The following NXNL2 variants were observed in gnomAD, a reference collection of about 807,000 sequenced individuals.
NXNL2 encodes the protein nucleoredoxin like 2.
NXNL2 carries 7 observed loss-of-function variants against 11.1 expected under a neutral mutation model. The ratio of observed to expected loss-of-function variants is 0.63; its 90% CI spans 0.36 to 1.18. The LOEUF is 1.18. Among genes scored for constraint, NXNL2 ranks in the 50% most tolerant of loss-of-function variants. The probability of loss-of-function intolerance (pLI) is 0.02; values close to 1 mark genes in which losing one functional copy is unlikely to be tolerated. For missense variants in NXNL2, 233 were observed against 217.7 expected, an observed-to-expected ratio of 1.07 and a Z score of -0.44; for synonymous variants, 109 against 101.8, an observed-to-expected ratio of 1.07 and a Z score of -0.42.
At chr9:88,542,998 G>T (rs567146313) in intron 1 of NXNL2, among the ~76,000 whole-genome samples, 24 of 152,310 alleles carry the variant, frequency 1.6e-4, no homozygotes, top group South Asian at 8.3e-4. Context: ...ACAGGAAAGG[G>T]ATTTCACCCG....
Position 88,564,918 on chromosome 9 carries a change from C to G in NXNL2, c.303-6169C>G, listed in dbSNP as rs941335861. 5.9e-5 allele frequency among the ~76,000 whole-genome samples: 9 copies of G among 152,158 alleles called. No homozygotes were observed. In the South Asian group the frequency reaches 1.9e-3, roughly 32 times the overall value. ...CTTAACAGATTTCTAGTTGACAATA[C>G]AGTATTGCCAACTACAGGCACAATG... On this transcript the variant is annotated intron_variant, in intron 1 of 2. Transcript: ENST00000375855.
At chr9:88,575,998 G>C (rs555497248), downstream of NXNL2, among the ~76,000 whole-genome samples, 8 of 152,290 alleles carry the variant, frequency 5.3e-5, no homozygotes, top group African/African-American at 1.9e-4. Context: ...TTCGAGATCA[G>C]CCTGGCCAAC....
intron 1 of NXNL2, among the ~76,000 whole-genome samples, chr9:88,570,243 C>T (rs1226415544): frequency 6.6e-5 from 10 of 152,020 alleles, no homozygotes; most frequent in Admixed American, 2.6e-4. Context: ...CTCAGCCTCC[C>T]AAAAAGCTGG....
intron 1 of NXNL2, among the ~76,000 whole-genome samples, chr9:88,569,619 T>C (rs1161494500): frequency 1.3e-5 from 2 of 152,262 alleles, no homozygotes; most frequent in African/African-American, 4.8e-5. Context: ...ATGCTTTGTA[T>C]CATAATATGC....
intron 1 of NXNL2, among the ~76,000 whole-genome samples, chr9:88,558,032 C>T (rs915636406): frequency 2.0e-5 from 3 of 152,150 alleles, no homozygotes; most frequent in Admixed American, 6.5e-5. Flanking sequence ...GCTCATAAAA[C>T]ACTTGGAATC....
chr9:88,560,997 A>G (rs557404903), intron 1 of NXNL2, among the ~76,000 whole-genome samples: 58 of 152,222 alleles, frequency 3.8e-4, no homozygotes, highest in Non-Finnish European at 7.6e-4. Context: ...TACACACACA[A>G]GAAGACCCCA....
intron 1 of NXNL2, among the ~76,000 whole-genome samples, chr9:88,541,892 T>C (rs776402907): frequency 1.3e-5 from 2 of 152,198 alleles, no homozygotes; most frequent in Non-Finnish European, 2.9e-5. Context: ...TGCGTTACTA[T>C]TTCCCATATA....
chr9:88,553,826 A>G (rs1044094138), intron 1 of NXNL2, among the ~76,000 whole-genome samples: 7 of 152,186 alleles, frequency 4.6e-5, no homozygotes, highest in Non-Finnish European at 8.8e-5. Flanking sequence ...CATAAGAGAC[A>G]TCACTTTTCA....
chr9:88,542,066 T>G (rs564983413), intron 1 of NXNL2, among the ~76,000 whole-genome samples: 10 of 151,062 alleles, frequency 6.6e-5, no homozygotes, highest in African/African-American at 4.8e-5. Flanking sequence ...CCGTCTCTAC[T>G]AAAAAAATAC....
At chr9:88,574,155 A>G (rs1322300996) in intron 2 of NXNL2, among the ~76,000 whole-genome samples, 1 of 152,236 alleles carries the variant, frequency 6.6e-6, no homozygotes, top group Non-Finnish European at 1.5e-5. Context: ...ATGCCCCAGA[A>G]AGGCATATAC....
In NXNL2 at chr9:88,537,534, C is replaced by T. The variant is rs115298867; in HGVS notation, c.302+1798C>T. ...AGCTGTTTGTCCCTACCCCTTTCCA[C>T]ACTGAACTTCCTTAACTCTGTTGTT... On this transcript the variant is annotated intron_variant, in intron 1 of 1. Coordinates refer to ENST00000375854, the MANE Select transcript of NXNL2 (RefSeq NM_001161625.2). Among the ~76,000 whole-genome samples the T allele has an allele frequency of 7.0e-3, 1,068 of 152,314 alleles. 9 individuals carry two copies. Among genetic ancestry groups the T allele is most frequent in the African/African-American group, 0.024 (993 of 41,570 alleles).
chr9:88,535,620 CG>C lies in NXNL2; in HGVS notation c.187del (p.Ala63ArgfsTer41), dbSNP rs775832537. 9.3e-6 allele frequency: 15 copies of C among 1,608,800 alleles called. No homozygotes were observed. In the African/African-American group the frequency reaches 2.0e-4, roughly 21 times the overall value. On this transcript the variant is annotated frameshift_variant, in exon 1 of 2. Transcript: ENST00000375854. LOFTEE classifies it high-confidence loss of function. ...TALVAEARRP[A>X]PFEVVFVSAD... ...CGCTGGTGGCCGAGGCGCGGCGGCC[CG>C]CGCCCTTCGAAGTGGTCTTCGTGTC...
chr9:88,548,440 G>A (rs1188819674), downstream of NXNL2, among the ~76,000 whole-genome samples: 1 of 141,904 alleles, frequency 7.0e-6, no homozygotes, highest in South Asian at 2.4e-4. Context: ...AAGGTGTGTG[G>A]ATCACGAGGT....
chr9:88,539,529 G>A (rs1564066178), intron 1 of NXNL2, among the ~76,000 whole-genome samples: 1 of 148,830 alleles, frequency 6.7e-6, no homozygotes, highest in African/African-American at 2.4e-5. Flanking sequence ...TGACGTGTGC[G>A]AGCCCTGCCC....
chr9:88,567,435 G>C (rs1207864752), intron 1 of NXNL2, among the ~76,000 whole-genome samples: 2 of 152,098 alleles, frequency 1.3e-5, no homozygotes, highest in Non-Finnish European at 2.9e-5. Context: ...CCGCGCCTGG[G>C]CTTGAATTCT....
rs1829824063 is a variant in NXNL2, at chr9:88,544,654, GT to G, written c.*108del. The G allele has an allele frequency of 7.0e-7, 1 of 1,434,240 alleles. No individual in the cohort carries two copies. The allele number at this position is 1,434,240 out of a possible 1,614,324, so 88.8% of individuals were successfully genotyped here. On this transcript the variant is annotated 3_prime_UTR_variant, in exon 2 of 2. Coordinates refer to ENST00000375854, the MANE Select transcript of NXNL2 (RefSeq NM_001161625.2). ...CTTCCTCTGTTGGTGTGATTTCATTGTATTTCAGAGCAGAAGCACTAAGCTG... is the reference window on the plus strand; with the variant it reads ...CTTCCTCTGTTGGTGTGATTTCATTGATTTCAGAGCAGAAGCACTAAGCTG...
At chr9:88,554,746 G>A (rs543153326) in intron 1 of NXNL2, among the ~76,000 whole-genome samples, 3 of 152,206 alleles carry the variant, frequency 2.0e-5, no homozygotes, top group South Asian at 2.1e-4. Flanking sequence ...TTACCGTCTC[G>A]TTTACATATC....
At chr9:88,583,193 A>G (rs1161375367) in intron 1 of NXNL2, among the ~76,000 whole-genome samples, 1 of 152,108 alleles carries the variant, frequency 6.6e-6, no homozygotes, top group African/African-American at 2.4e-5. Flanking sequence ...CCTGTGCAGC[A>G]CTGTTCAAGT....
At position 88,535,597 on chromosome 9, in the gene NXNL2, C is replaced by G; in HGVS notation, c.163C>G (p.Leu55Val). 1 of 1,609,480 alleles carries G rather than the reference C, an allele frequency of 6.2e-7. No individual in the cohort carries two copies. Among genetic ancestry groups the G allele is most frequent in the African/African-American group, 1.3e-5 (1 of 74,980 alleles). The change falls in exon 1 of 2, where the codon CTG (leucine) becomes GTG (valine). Residue 55 changes from leucine (L) to valine (V), a missense_variant. Transcript: ENST00000375854. ...GCTGCTCTGCGACTTCTATACGGCG[C>G]TGGTGGCCGAGGCGCGGCGGCCCGC... ...TPLLCDFYTA[L>V]VAEARRPAPF...
Sources: allele counts gnomAD v4.1 joint callset (sites outside exome capture counted in the v4.1 genomes callset), GRCh38; gene constraint gnomAD v4.1.1; transcripts MANE v1.5; gene names NCBI Gene and HGNC (gene_info 2026-07-23, HGNC 2026-07-21).